The following SLC24A3 variants were observed in gnomAD, a reference collection of about 807,000 sequenced individuals.
The protein encoded by SLC24A3 is sodium/potassium/calcium exchanger 3.
A neutral mutation model predicts 75.8 loss-of-function variants in SLC24A3; 28 were observed. The observed-to-expected ratio is 0.37, with a 90% CI of 0.27 to 0.51. SLC24A3 has a LOEUF of 0.51. Among genes scored for constraint, SLC24A3 ranks in the 20% least tolerant of loss-of-function variants. SLC24A3 has a pLI of 0.94. For missense variants in SLC24A3, 663 were observed against 847.8 expected, an observed-to-expected ratio of 0.78 and a Z score of 2.71; for synonymous variants, 372 against 334.1, an observed-to-expected ratio of 1.11 and a Z score of -1.24.
intron 2 of SLC24A3, among the ~76,000 whole-genome samples, chr20:19,392,861 T>C (rs945521086): frequency 8.5e-5 from 13 of 152,194 alleles, no homozygotes; most frequent in Middle Eastern, 3.2e-3. Context: ...TATGTTTAGT[T>C]TGCTGACAGT....
At chr20:19,628,749 T>G (rs770669366) in intron 6 of SLC24A3, among the ~76,000 whole-genome samples, 20 of 152,018 alleles carry the variant, frequency 1.3e-4, no homozygotes, top group Non-Finnish European at 2.8e-4. Context: ...CAGGGGGAGC[T>G]ACTGAGTAGA....
At chr20:19,349,447 C>A (rs1316744964) in intron 2 of SLC24A3, among the ~76,000 whole-genome samples, 1 of 152,182 alleles carries the variant, frequency 6.6e-6, no homozygotes, top group East Asian at 1.9e-4. Flanking sequence ...AATCTCTTTG[C>A]CTGAGGGTTC....
intron 2 of SLC24A3, among the ~76,000 whole-genome samples, chr20:19,371,797 C>A (rs1156638707): frequency 6.6e-6 from 1 of 152,132 alleles, no homozygotes; most frequent in African/African-American, 2.4e-5. Flanking sequence ...GCGTACAGGT[C>A]TATTCAAACC....
At chr20:19,398,982 A>G (rs574218843) in intron 2 of SLC24A3, among the ~76,000 whole-genome samples, 2 of 152,248 alleles carry the variant, frequency 1.3e-5, no homozygotes, top group East Asian at 1.9e-4. Flanking sequence ...CGATTTCTTT[A>G]GTAGATGAGG....
At chr20:19,612,582 AT>A (rs1470088078) in intron 6 of SLC24A3, among the ~76,000 whole-genome samples, 1 of 151,214 alleles carries the variant, frequency 6.6e-6, no homozygotes, top group African/African-American at 2.4e-5. Flanking sequence ...AAGGAAAAAA[AT>A]AAAACTCAAG....
chr20:19,310,082 T>A (rs183105387), intron 2 of SLC24A3, among the ~76,000 whole-genome samples: 3,633 of 152,328 alleles, frequency 0.024, 73 homozygotes, highest in Non-Finnish European at 0.035. Context: ...GTGCCTGGTG[T>A]CTTCGTGGAG....
intron 2 of SLC24A3, among the ~76,000 whole-genome samples, chr20:19,372,474 G>C (rs1397730380): frequency 6.6e-6 from 1 of 152,198 alleles, no homozygotes; most frequent in Admixed American, 6.5e-5. Flanking sequence ...TGAAAAACAG[G>C]AGAAAATGGT....
At chr20:19,472,683 C>T (rs1987894969) in intron 2 of SLC24A3, among the ~76,000 whole-genome samples, 1 of 152,236 alleles carries the variant, frequency 6.6e-6, no homozygotes, top group African/African-American at 2.4e-5. Context: ...GCCAAGACCT[C>T]CTACACTGGC....
At chr20:19,342,727 CG>C (rs1985296788) in intron 2 of SLC24A3, among the ~76,000 whole-genome samples, 1 of 152,092 alleles carries the variant, frequency 6.6e-6, no homozygotes, top group African/African-American at 2.4e-5. Context: ...GGTGGCTTGA[CG>C]GAAGAGATAA....
At chr20:19,290,154 G>C (rs995670266) in intron 2 of SLC24A3, among the ~76,000 whole-genome samples, 9 of 152,258 alleles carry the variant, frequency 5.9e-5, no homozygotes, top group African/African-American at 1.9e-4. Context: ...CAGCCATCTG[G>C]GTTGTAACAA....
chr20:19,593,728 T>C (rs2122646749), intron 6 of SLC24A3, among the ~76,000 whole-genome samples: 1 of 152,270 alleles, frequency 6.6e-6, no homozygotes, highest in East Asian at 1.9e-4. Flanking sequence ...AAGGGCCTCA[T>C]ACCCTAAAGC....
intron 8 of SLC24A3, among the ~76,000 whole-genome samples, chr20:19,666,217 G>T (rs1258807196): frequency 6.6e-6 from 1 of 152,156 alleles, no homozygotes. Flanking sequence ...AGATTTGACT[G>T]ATTTTTGGGC....
intron 2 of SLC24A3, among the ~76,000 whole-genome samples, chr20:19,450,330 T>TA (rs1321252580): frequency 6.6e-6 from 1 of 152,226 alleles, no homozygotes; most frequent in Non-Finnish European, 1.5e-5. Context: ...TGGCACTTGT[T>TA]ACACTTTCTT....
intron 2 of SLC24A3, among the ~76,000 whole-genome samples, chr20:19,431,148 G>A (rs1022849056): frequency 2.0e-5 from 3 of 152,074 alleles, no homozygotes; most frequent in African/African-American, 7.2e-5. Flanking sequence ...CTACAGTGAG[G>A]ACTCTGGTTC....
At chr20:19,358,550 G>A (rs1021115339) in intron 2 of SLC24A3, among the ~76,000 whole-genome samples, 3 of 152,120 alleles carry the variant, frequency 2.0e-5, no homozygotes, top group South Asian at 4.1e-4. Flanking sequence ...CACCTAAAAA[G>A]TGTCCAGTGA....
chr20:19,415,199 A>G (rs1986807105), intron 2 of SLC24A3, among the ~76,000 whole-genome samples: 1 of 152,154 alleles, frequency 6.6e-6, no homozygotes, highest in African/African-American at 2.4e-5. Context: ...TTGAGAGTGG[A>G]CACGCTTGTG....
At chr20:19,586,292 T>C (rs1226872941) in intron 6 of SLC24A3, among the ~76,000 whole-genome samples, 2 of 152,174 alleles carry the variant, frequency 1.3e-5, no homozygotes, top group East Asian at 1.9e-4. Flanking sequence ...AATTTCTTCA[T>C]AGGGATTTTA....
intron 7 of SLC24A3, among the ~76,000 whole-genome samples, chr20:19,655,264 T>A (rs900792674): frequency 6.6e-6 from 1 of 152,186 alleles, no homozygotes; most frequent in South Asian, 2.1e-4. Flanking sequence ...CAGCCAGTCC[T>A]CACGGCCATC....
intron 15 of SLC24A3, among the ~76,000 whole-genome samples, chr20:19,708,187 A>G (rs1334868451): frequency 3.9e-5 from 6 of 152,132 alleles, no homozygotes; most frequent in Admixed American, 3.9e-4. Flanking sequence ...CAGCGCTTTC[A>G]ACCAACCATC....
Sources: gnomAD v4.1 joint callset for allele counts (sites outside exome capture counted in the v4.1 genomes callset) on GRCh38, gnomAD v4.1.1 for gene constraint, MANE v1.5 for transcripts, NCBI Gene and HGNC (gene_info 2026-07-23, HGNC 2026-07-21) for gene names.